KCNMA1: variants seen among roughly 807,000 people sequenced by gnomAD.
KCNMA1 encodes potassium calcium-activated channel subfamily M alpha 1, also known as Calcium-activated potassium channel subunit alpha-1.
A neutral mutation model predicts 140.0 loss-of-function variants in KCNMA1; 29 were observed. The observed-to-expected ratio is 0.21, with a 90% CI of 0.15 to 0.28. The LOEUF (loss-of-function observed/expected upper bound fraction) is 0.28, where lower values mean the gene tolerates loss of function less well. Ranked by LOEUF, KCNMA1 falls within the 10% of genes least tolerant of loss-of-function variation. The pLI is 1.00. For synonymous variants in KCNMA1, 612 were observed against 611.9 expected (o/e 1.00, Z 0.00); for missense variants, 880 against 1,602.2 (o/e 0.55, Z 7.70).
At chr10:77,472,946 T>C (rs941479697) in intron 1 of KCNMA1, among the ~76,000 whole-genome samples, 6 of 152,198 alleles carry the variant, frequency 3.9e-5, no homozygotes, top group African/African-American at 1.2e-4. Flanking sequence ...CGTACTAGGA[T>C]TGGGCAGGGT....
chr10:77,613,152 A>G (rs1214309512), intron 1 of KCNMA1, among the ~76,000 whole-genome samples: 1 of 152,184 alleles, frequency 6.6e-6, no homozygotes, highest in Non-Finnish European at 1.5e-5. Flanking sequence ...CTTGTCCTTC[A>G]GGATCACTGT....
chr10:77,111,865 C>A (rs1216965554), intron 7 of KCNMA1, among the ~76,000 whole-genome samples: 1 of 152,134 alleles, frequency 6.6e-6, no homozygotes, highest in Non-Finnish European at 1.5e-5. Context: ...TGACTTAATA[C>A]AAGGCTTTCA....
chr10:77,462,669 G>T (rs2097900753), intron 1 of KCNMA1, among the ~76,000 whole-genome samples: 1 of 152,212 alleles, frequency 6.6e-6, no homozygotes. Context: ...AAGGGACTGT[G>T]CCCTGGGCTC....
intron 5 of KCNMA1, among the ~76,000 whole-genome samples, chr10:77,124,734 AGTC>A (rs1270478137): frequency 2.6e-5 from 4 of 152,220 alleles, no homozygotes; most frequent in African/African-American, 4.8e-5. Context: ...TAAAAAAGTC[AGTC>A]TACATTTCAT....
At position 77,494,350 on chromosome 10, in the gene KCNMA1, G is replaced by A. The variant is rs1024567385; in HGVS notation, c.379-90327C>T. Among the ~76,000 whole-genome samples, 6 of 152,216 alleles carry A rather than the reference G, an allele frequency of 3.9e-5. No homozygotes were observed. In the East Asian group the frequency reaches 9.6e-4, roughly 24 times the overall value. ...GACATTCCTAAGAAGGACTGTGCAG[G>A]AGGAGGCTAGCCCAGCTGCCTGGCT... On this transcript the variant is annotated intron_variant, in intron 1 of 27. Coordinates refer to ENST00000286628, the MANE Select transcript of KCNMA1 (RefSeq NM_001161352.2).
intron 24 of KCNMA1, chr10:76,910,720 T>G (rs1369563946): frequency 1.3e-5 from 2 of 159,894 alleles, no homozygotes; most frequent in Non-Finnish European, 2.8e-5. Flanking sequence ...GGCTGTCTCC[T>G]GCTGCTTGCT....
chr10:76,981,283 G>A (rs1405868574), intron 19 of KCNMA1, among the ~76,000 whole-genome samples: 1 of 151,832 alleles, frequency 6.6e-6, no homozygotes, highest in Non-Finnish European at 1.5e-5. Context: ...TTTGTCCCTT[G>A]TTTCATATGG....
rs182918575 is a variant in KCNMA1, at chr10:77,317,040, C to T, written c.541-65784G>A. 6.4e-4 allele frequency among the ~76,000 whole-genome samples: 97 copies of T among 152,230 alleles called. 1 individual carries two copies. Among genetic ancestry groups the T allele is most frequent in the Non-Finnish European group, 1.1e-3 (75 of 68,012 alleles). On this transcript the variant is annotated intron_variant, in intron 2 of 27. Transcript: ENST00000286628. ...CTATAATGGACTGAAGGTGCCTTGG[C>T]GCTAGAAGCTTCCAAAGCTCCTTGC...
intron 2 of KCNMA1, among the ~76,000 whole-genome samples, chr10:77,327,975 G>A (rs2084855535): frequency 6.6e-6 from 1 of 152,124 alleles, no homozygotes; most frequent in Non-Finnish European, 1.5e-5. Context: ...ACTCTGAAGA[G>A]GTCAGCCCCT....
At chr10:77,380,867 T>C (rs2095358543) in intron 2 of KCNMA1, among the ~76,000 whole-genome samples, 1 of 152,200 alleles carries the variant, frequency 6.6e-6, no homozygotes, top group African/African-American at 2.4e-5. Flanking sequence ...TGCACCTTAG[T>C]GGATGTGGTG....
At chr10:77,335,061 G>T (rs774089954) in intron 2 of KCNMA1, among the ~76,000 whole-genome samples, 1 of 152,024 alleles carries the variant, frequency 6.6e-6, no homozygotes, top group Non-Finnish European at 1.5e-5. Flanking sequence ...ACAGAGGAGG[G>T]GACACATCTC....
At chr10:77,220,995 TGA>T (rs1418824368) in intron 3 of KCNMA1, among the ~76,000 whole-genome samples, 1 of 152,202 alleles carries the variant, frequency 6.6e-6, no homozygotes, top group Non-Finnish European at 1.5e-5. Context: ...TAAATCAGGA[TGA>T]GTCATTTGAT....
chr10:77,042,038 G>A (rs59538464), intron 14 of KCNMA1, among the ~76,000 whole-genome samples: 2,171 of 152,216 alleles, frequency 0.014, 74 homozygotes, highest in African/African-American at 0.049. Flanking sequence ...GCTCAGTCTG[G>A]GCAATTAGAT....
intron 5 of KCNMA1, among the ~76,000 whole-genome samples, chr10:77,166,208 T>C (rs2098640406): frequency 6.6e-6 from 1 of 152,050 alleles, no homozygotes; most frequent in South Asian, 2.1e-4. Context: ...AAATAAGAAG[T>C]CCTCTGACCA....
intron 25 of KCNMA1, among the ~76,000 whole-genome samples, chr10:76,899,827 T>A (rs535302218): frequency 5.4e-4 from 82 of 152,284 alleles, no homozygotes; most frequent in African/African-American, 1.9e-3. Flanking sequence ...TGTACAGACA[T>A]GAATATTGTG....
At chr10:77,134,383 T>TCA (rs10658832) in intron 5 of KCNMA1, among the ~76,000 whole-genome samples, 21,056 of 151,922 alleles carry the variant, frequency 0.14, 3,598 homozygotes, top group East Asian at 0.87. Context: ...TAGGCAAAAA[T>TCA]CAAACAGCTA....
chr10:77,610,498 T>A (rs2086444240), intron 1 of KCNMA1, among the ~76,000 whole-genome samples: 1 of 152,218 alleles, frequency 6.6e-6, no homozygotes, highest in Non-Finnish European at 1.5e-5. Context: ...TAGCACAGAA[T>A]CTCTTTCTTC....
chr10:77,577,903 A>G (rs2074714221), intron 1 of KCNMA1, among the ~76,000 whole-genome samples: 1 of 152,210 alleles, frequency 6.6e-6, no homozygotes, highest in Admixed American at 6.5e-5. Flanking sequence ...CCAGTGGCCA[A>G]ATCCTCTGCA....
At chr10:76,933,540 G>C (rs1486383535) in intron 23 of KCNMA1, among the ~76,000 whole-genome samples, 1 of 152,160 alleles carries the variant, frequency 6.6e-6, no homozygotes, top group Non-Finnish European at 1.5e-5. Flanking sequence ...GGCCTTTCCT[G>C]TTTCTGTGCC....
Sources: gnomAD v4.1 joint callset for allele counts (sites outside exome capture counted in the v4.1 genomes callset) on GRCh38, gnomAD v4.1.1 for gene constraint, MANE v1.5 for transcripts, NCBI Gene and HGNC (gene_info 2026-07-23, HGNC 2026-07-21) for gene names.